PAM: variants seen among roughly 807,000 people sequenced by gnomAD.
PAM encodes peptidylglycine alpha-amidating monooxygenase.
A neutral mutation model predicts 122.1 loss-of-function variants in PAM; 72 were observed. The observed-to-expected ratio is 0.59, with a 90% CI of 0.49 to 0.72. The LOEUF (loss-of-function observed/expected upper bound fraction) is 0.72. PAM is among the 30% of genes least tolerant of loss of function. PAM has a pLI of 0.00. For missense variants in PAM, 1,106 were observed against 1,183.7 expected, an observed-to-expected ratio of 0.93 and a Z score of 0.96; for synonymous variants, 389 against 404.4, an observed-to-expected ratio of 0.96 and a Z score of 0.46.
At chr5:102,875,582 C>T (rs1788912445) in intron 3 of PAM, among the ~76,000 whole-genome samples, 1 of 152,162 alleles carries the variant, frequency 6.6e-6, no homozygotes, top group Admixed American at 6.5e-5. Flanking sequence ...GCAAGATATT[C>T]TTGGTCACTT....
At chr5:102,781,076 T>C (rs1758828656) in intron 1 of PAM, among the ~76,000 whole-genome samples, 2 of 152,046 alleles carry the variant, frequency 1.3e-5, no homozygotes, top group Non-Finnish European at 2.9e-5. Flanking sequence ...CTGAGATCTC[T>C]ATCAGCTCCA....
At chr5:102,879,704 CT>C (rs1436030071) in intron 3 of PAM, among the ~76,000 whole-genome samples, 2 of 152,182 alleles carry the variant, frequency 1.3e-5, no homozygotes, top group Non-Finnish European at 2.9e-5. Flanking sequence ...AATTAAACCT[CT>C]TTTCTTTATA....
At chr5:102,819,823 C>T (rs1357195846) in intron 1 of PAM, among the ~76,000 whole-genome samples, 1 of 152,146 alleles carries the variant, frequency 6.6e-6, no homozygotes, top group African/African-American at 2.4e-5. Flanking sequence ...ATAATTAAAA[C>T]ACAGATGGAG....
chr5:102,907,206 A>C (rs911808241), intron 4 of PAM, among the ~76,000 whole-genome samples: 14 of 151,832 alleles, frequency 9.2e-5, no homozygotes, highest in African/African-American at 3.4e-4. Flanking sequence ...AGCAGGAATT[A>C]ATGACAATTT....
At chr5:103,011,126 A>G (rs1780476226) in intron 21 of PAM, among the ~76,000 whole-genome samples, 1 of 152,174 alleles carries the variant, frequency 6.6e-6, no homozygotes, top group South Asian at 2.1e-4. Flanking sequence ...GAGCTCTTCA[A>G]AAGCATAACT....
At chr5:102,766,024 A>G (rs147876146) in intron 1 of PAM, among the ~76,000 whole-genome samples, 5 of 152,260 alleles carry the variant, frequency 3.3e-5, no homozygotes, top group African/African-American at 1.2e-4. Flanking sequence ...ACATACAAGA[A>G]AGGGTAATCA....
intron 7 of PAM, among the ~76,000 whole-genome samples, chr5:102,935,834 C>T (rs1387000788): frequency 6.6e-6 from 1 of 152,098 alleles, no homozygotes; most frequent in Non-Finnish European, 1.5e-5. Context: ...AATCAGAGGA[C>T]CGTCTGCACC....
At chr5:102,974,083 T>A in intron 14 of PAM, 33 bp from the exon 15 acceptor site, 1 of 1,521,520 alleles carries the variant, frequency 6.6e-7, no homozygotes, top group Non-Finnish European at 9.1e-7. Flanking sequence ...TTATCTACCC[T>A]CCACGCCCTT....
chr5:102,780,234 T>G (rs984961635), intron 1 of PAM, among the ~76,000 whole-genome samples: 1 of 151,976 alleles, frequency 6.6e-6, no homozygotes, highest in Non-Finnish European at 1.5e-5. Flanking sequence ...TATCCACAGT[T>G]TTAAGCATTT....
intron 1 of PAM, among the ~76,000 whole-genome samples, chr5:102,791,476 A>ACTT (rs1315121110): frequency 6.6e-6 from 1 of 151,822 alleles, no homozygotes; most frequent in Non-Finnish European, 1.5e-5. Context: ...TATTATTTTT[A>ACTT]CTTCTACATG....
chr5:102,938,050 T>C (rs1753853422), intron 7 of PAM, among the ~76,000 whole-genome samples: 1 of 152,182 alleles, frequency 6.6e-6, no homozygotes, highest in Non-Finnish European at 1.5e-5. Context: ...CGGATATTCT[T>C]CATGTTCTTC....
chr5:102,933,289 T>C (rs1200550817), intron 7 of PAM, among the ~76,000 whole-genome samples: 1 of 152,276 alleles, frequency 6.6e-6, no homozygotes, highest in African/African-American at 2.4e-5. Context: ...ATATTATCAG[T>C]TAGCATAAAT....
intron 1 of PAM, among the ~76,000 whole-genome samples, chr5:102,786,212 T>G (rs1299206011): frequency 1.3e-5 from 2 of 152,234 alleles, no homozygotes; most frequent in Non-Finnish European, 2.9e-5. Context: ...AGCTCACAGA[T>G]CCTGGAGCCA....
intron 1 of PAM, among the ~76,000 whole-genome samples, chr5:102,847,750 A>G (rs1780301120): frequency 6.6e-6 from 1 of 152,134 alleles, no homozygotes; most frequent in Non-Finnish European, 1.5e-5. Flanking sequence ...ATTTCCTAGG[A>G]AAACTTATTT....
chr5:102,890,600 T>G (rs189728599), intron 3 of PAM, among the ~76,000 whole-genome samples: 7 of 152,050 alleles, frequency 4.6e-5, no homozygotes, highest in Admixed American at 2.6e-4. Flanking sequence ...ACTACAGAAA[T>G]CTAATTATAT....
intron 3 of PAM, among the ~76,000 whole-genome samples, chr5:102,900,721 C>T (rs1236744300): frequency 1.3e-5 from 2 of 151,594 alleles, no homozygotes; most frequent in Admixed American, 1.3e-4. Context: ...CATTGAATCT[C>T]ATTCTCCTTA....
chr5:102,888,344 G>C (rs550143386), intron 3 of PAM, among the ~76,000 whole-genome samples: 1 of 151,938 alleles, frequency 6.6e-6, no homozygotes, highest in African/African-American at 2.4e-5. Context: ...AGTTCCACCA[G>C]TGTGTCTCCT....
At chr5:102,824,766 A>G (rs1036032185) in intron 1 of PAM, among the ~76,000 whole-genome samples, 2 of 116,896 alleles carry the variant, frequency 1.7e-5, no homozygotes, top group African/African-American at 6.4e-5. Flanking sequence ...AGTTTTATGG[A>G]CGTAGAAACA....
At chr5:102,870,011 T>C (rs530138730) in intron 3 of PAM, among the ~76,000 whole-genome samples, 1 of 150,594 alleles carries the variant, frequency 6.6e-6, no homozygotes, top group South Asian at 2.1e-4. Flanking sequence ...ATAACTAGAC[T>C]ATGAAGAAAG....
Sources: gnomAD v4.1 joint callset for allele counts (sites outside exome capture counted in the v4.1 genomes callset) on GRCh38, gnomAD v4.1.1 for gene constraint, MANE v1.5 for transcripts, NCBI Gene and HGNC (gene_info 2026-07-23, HGNC 2026-07-21) for gene names.